The following OSBPL11 variants were observed in gnomAD, a reference collection of about 807,000 sequenced individuals.
OSBPL11 encodes oxysterol-binding protein-related protein 11.
A neutral mutation model predicts 84.4 loss-of-function variants in OSBPL11; 33 were observed. That is an observed-to-expected ratio of 0.39 (90% CI 0.30 to 0.52). The LOEUF (loss-of-function observed/expected upper bound fraction) is 0.52. Ranked by LOEUF, OSBPL11 falls within the 20% of genes least tolerant of loss-of-function variation. The pLI, the probability that OSBPL11 is intolerant of heterozygous loss-of-function variation, is 0.72. For synonymous variants in OSBPL11, 276 were observed against 310.2 expected (o/e 0.89, Z 1.16); for missense variants, 736 against 901.1 (o/e 0.82, Z 2.35).
intron 7 of OSBPL11, 115 bp from the exon 8 acceptor site, chr3:125,560,634 A>C: frequency 2.2e-6 from 2 of 921,776 alleles, no homozygotes; most frequent in Non-Finnish European, 3.0e-6. Flanking sequence ...AGTGAATCTG[A>C]GTATGGGCAA....
chr3:125,590,909 T>C (rs769313507), intron 1 of OSBPL11, among the ~76,000 whole-genome samples: 15 of 152,352 alleles, frequency 9.8e-5, no homozygotes, highest in Middle Eastern at 3.4e-3. Context: ...TTACTAGCTA[T>C]GTAACCTTAG....
At chr3:125,577,553 C>T (rs775486662) in intron 4 of OSBPL11, among the ~76,000 whole-genome samples, 6 of 152,118 alleles carry the variant, frequency 3.9e-5, no homozygotes, top group Non-Finnish European at 7.3e-5. Context: ...TCTCGCTGGG[C>T]GTGGTGGCTC....
At chr3:125,580,119 A>C in intron 2 of OSBPL11, 79 bp from the exon 3 acceptor site, 1 of 1,210,852 alleles carries the variant, frequency 8.3e-7, no homozygotes, top group Non-Finnish European at 1.2e-6. Context: ...TCAATCACTT[A>C]CACATTTCAG....
chr3:125,540,263 A>C (rs552344003), intron 10 of OSBPL11, among the ~76,000 whole-genome samples: 1 of 141,326 alleles, frequency 7.1e-6, no homozygotes, highest in East Asian at 2.3e-4. Context: ...CAGGAGGCAG[A>C]GGTTGCAGTG....
intron 8 of OSBPL11, among the ~76,000 whole-genome samples, chr3:125,557,787 CTTTCT>C (rs1309370978): frequency 7.7e-6 from 1 of 130,600 alleles, no homozygotes; most frequent in Non-Finnish European, 1.6e-5. Context: ...ACACATACAA[CTTTCT>C]TTTTTTTTTT....
intron 4 of OSBPL11, among the ~76,000 whole-genome samples, chr3:125,577,391 T>A (rs931440345): frequency 2.0e-5 from 3 of 152,138 alleles, no homozygotes; most frequent in African/African-American, 7.2e-5. Flanking sequence ...GACTAACCAA[T>A]AAGCACACGA....
intron 11 of OSBPL11, among the ~76,000 whole-genome samples, chr3:125,537,605 C>A (rs186110351): frequency 1.3e-5 from 2 of 152,282 alleles, no homozygotes; most frequent in African/African-American, 2.4e-5. Flanking sequence ...TCCCTTTTCA[C>A]ACCTAGTTAG....
chr3:125,561,953 T>C (rs1314406053), intron 7 of OSBPL11, among the ~76,000 whole-genome samples: 1 of 152,240 alleles, frequency 6.6e-6, no homozygotes, highest in African/African-American at 2.4e-5. Flanking sequence ...GTGAATGGCA[T>C]ATCCTGGGTT....
chr3:125,567,310 T>C, intron 6 of OSBPL11, 84 bp downstream of exon 6: 1 of 1,224,526 alleles, frequency 8.2e-7, no homozygotes, highest in Non-Finnish European at 1.2e-6. Flanking sequence ...AGTTAAGATT[T>C]TCTGAAATTA....
intron 6 of OSBPL11, among the ~76,000 whole-genome samples, chr3:125,564,169 T>C (rs1171952418): frequency 1.3e-5 from 2 of 152,194 alleles, no homozygotes; most frequent in African/African-American, 2.4e-5. Context: ...GTCCCTCTAC[T>C]GATTAAAAAA....
intron 11 of OSBPL11, among the ~76,000 whole-genome samples, chr3:125,535,597 C>A (rs72979706): frequency 0.093 from 14,174 of 151,604 alleles, 1,373 homozygotes; most frequent in African/African-American, 0.25. Flanking sequence ...GTGCACGCCA[C>A]CACGCCAGGT....
At chr3:125,567,678 T>C in intron 5 of OSBPL11, 83 bp from the exon 6 acceptor site, 3 of 1,183,210 alleles carry the variant, frequency 2.5e-6, no homozygotes, top group Non-Finnish European at 3.6e-6. Flanking sequence ...AATTACCAGA[T>C]TCAGCTTCTG....
At chr3:125,573,296 A>G (rs933762730) in intron 5 of OSBPL11, among the ~76,000 whole-genome samples, 1 of 152,150 alleles carries the variant, frequency 6.6e-6, no homozygotes, top group Non-Finnish European at 1.5e-5. Flanking sequence ...ATAGGAGTAT[A>G]TCACTCAGGT....
chr3:125,532,715 C>A (rs1306806434), intron 11 of OSBPL11, among the ~76,000 whole-genome samples: 2 of 151,422 alleles, frequency 1.3e-5, no homozygotes, highest in African/African-American at 4.9e-5. Flanking sequence ...TACCATAAAC[C>A]CAGCAATTCC....
At chr3:125,579,755 C>T in intron 3 of OSBPL11, 110 bp downstream of exon 3, 1 of 923,384 alleles carries the variant, frequency 1.1e-6, no homozygotes, top group Non-Finnish European at 1.7e-6. Flanking sequence ...GTATTTACAT[C>T]ACTGATGACA....
In OSBPL11 at chr3:125,567,460, A is replaced by G. The variant is rs1936176498; in HGVS notation, c.802T>C (p.Leu268=). The G allele has an allele frequency of 6.2e-7, 1 of 1,614,062 alleles. No individual in the cohort carries two copies. Among genetic ancestry groups the G allele is most frequent in the African/African-American group, 1.3e-5 (1 of 74,944 alleles). The change falls in exon 6 of 13, where the codon TTA becomes CTA. Residue 268 remains leucine (L), a synonymous_variant. Coordinates refer to ENST00000296220, the MANE Select transcript of OSBPL11 (RefSeq NM_022776.5). ...TGGAGAATATGAAAGCAGTCATTTA[A>G]GCAGTTCATAGTTGCCATGGAAGTA... ...KATSMATMNC[L]NDCFHILQLQ...
intron 11 of OSBPL11, 64 bp from the exon 12 acceptor site, chr3:125,532,078 T>C: frequency 6.9e-7 from 1 of 1,457,404 alleles, no homozygotes; most frequent in Non-Finnish European, 9.3e-7. Context: ...ATAGAATCAA[T>C]ACCCTCAAAA....
intron 3 of OSBPL11, 68 bp downstream of exon 3, chr3:125,579,797 C>A: frequency 7.1e-7 from 1 of 1,402,026 alleles, no homozygotes; most frequent in South Asian, 1.2e-5. Context: ...CATATGAAAG[C>A]ATGTAAGACA....
At chr3:125,556,584 A>G (rs2107597550) in intron 8 of OSBPL11, among the ~76,000 whole-genome samples, 1 of 152,320 alleles carries the variant, frequency 6.6e-6, no homozygotes, top group East Asian at 1.9e-4. Context: ...TTGCCTTATA[A>G]TTTCACAAGA....
Sources: allele counts gnomAD v4.1 joint callset (sites outside exome capture counted in the v4.1 genomes callset), GRCh38; gene constraint gnomAD v4.1.1; transcripts MANE v1.5; gene names NCBI Gene and HGNC (gene_info 2026-07-23, HGNC 2026-07-21).